Variants in ABCA13 observed in about 807,000 individuals in gnomAD.
ABCA13 encodes the protein ATP binding cassette subfamily A member 13.
A neutral mutation model predicts 478.7 loss-of-function variants in ABCA13; 476 were observed. That is an observed-to-expected ratio of 0.99 (90% confidence interval 0.92 to 1.07). The LOEUF (loss-of-function observed/expected upper bound fraction) is 1.07. Ranked by LOEUF, ABCA13 falls within the 50% of genes least tolerant of loss-of-function variation. The pLI is 0.00. For synonymous variants in ABCA13, 2,252 were observed against 2,158.9 expected (o/e 1.04, Z -1.20); for missense variants, 6,060 against 5,910.6 (o/e 1.03, Z -0.83).
chr7:48,250,289 A>G (rs1197538897), intron 15 of ABCA13, among the ~76,000 whole-genome samples: 1 of 152,134 alleles, frequency 6.6e-6, no homozygotes, highest in Non-Finnish European at 1.5e-5. Context: ...GTTTTTATGG[A>G]AGTTTCCTTA....
chr7:48,226,086 G>A (rs1297531818), intron 5 of ABCA13, among the ~76,000 whole-genome samples: 1 of 152,182 alleles, frequency 6.6e-6, no homozygotes, highest in Non-Finnish European at 1.5e-5. Context: ...TGTAGAAAAG[G>A]AGTGGGGTTG....
At chr7:48,536,840 T>C (rs948635018) in intron 55 of ABCA13, among the ~76,000 whole-genome samples, 2 of 151,946 alleles carry the variant, frequency 1.3e-5, no homozygotes, top group Admixed American at 1.3e-4. Flanking sequence ...TCTATATAGA[T>C]TTTATATTTA....
At chr7:48,491,729 A>G (rs563073166) in intron 48 of ABCA13, among the ~76,000 whole-genome samples, 4 of 152,300 alleles carry the variant, frequency 2.6e-5, no homozygotes, top group African/African-American at 9.6e-5. Flanking sequence ...AAATATTGAT[A>G]AAGAACTCCC....
At chr7:48,201,807 C>G (rs1157459953) in intron 3 of ABCA13, among the ~76,000 whole-genome samples, 1 of 152,242 alleles carries the variant, frequency 6.6e-6, no homozygotes, top group African/African-American at 2.4e-5. Context: ...TCACTGACTT[C>G]AAGAATGAAG....
At chr7:48,552,593 C>CT (rs397800820) in intron 55 of ABCA13, among the ~76,000 whole-genome samples, 18,669 of 134,150 alleles carry the variant, frequency 0.14, 1,573 homozygotes, top group African/African-American at 0.21. Flanking sequence ...CCTTTGTTGC[C>CT]TTTTTTTTTT....
chr7:48,269,225 G>A (rs906467595), intron 16 of ABCA13, 131 bp downstream of exon 16: 6 of 582,626 alleles, frequency 1.0e-5, no homozygotes, highest in Admixed American at 3.2e-5. Flanking sequence ...TCTTTCATAT[G>A]AGCTGTTCAA....
At chr7:48,577,965 G>T (rs1788350949) in intron 55 of ABCA13, among the ~76,000 whole-genome samples, 1 of 151,912 alleles carries the variant, frequency 6.6e-6, no homozygotes, top group South Asian at 2.1e-4. Flanking sequence ...TAGAATAAAA[G>T]GAAAAGATGG....
chr7:48,208,528 G>A (rs914518620), intron 3 of ABCA13, among the ~76,000 whole-genome samples: 1 of 151,718 alleles, frequency 6.6e-6, no homozygotes, highest in Non-Finnish European at 1.5e-5. Flanking sequence ...TTGCTTTTTT[G>A]GTTAGGTTTA....
intron 27 of ABCA13, among the ~76,000 whole-genome samples, chr7:48,326,730 T>C (rs1336370268): frequency 1.3e-5 from 2 of 152,204 alleles, no homozygotes; most frequent in Non-Finnish European, 2.9e-5. Context: ...TTTTACTGTA[T>C]TCTCCAAGTA....
At chr7:48,349,290 A>C (rs1808571178) in intron 29 of ABCA13, among the ~76,000 whole-genome samples, 2 of 152,236 alleles carry the variant, frequency 1.3e-5, no homozygotes, top group African/African-American at 4.8e-5. Context: ...CAGTTACAAC[A>C]TAATGAATAA....
At chr7:48,469,181 A>G (rs1827204578) in intron 44 of ABCA13, among the ~76,000 whole-genome samples, 2 of 152,210 alleles carry the variant, frequency 1.3e-5, no homozygotes, top group African/African-American at 4.8e-5. Flanking sequence ...GATAAGGTTT[A>G]TTTTTGTAAT....
intron 20 of ABCA13, among the ~76,000 whole-genome samples, chr7:48,288,701 A>C (rs1266737696): frequency 6.6e-6 from 1 of 152,176 alleles, no homozygotes; most frequent in East Asian, 1.9e-4. Flanking sequence ...GCTCTAACTC[A>C]TTGAATACAC....
rs772871010 is a variant in ABCA13, at chr7:48,511,083, G to A, written c.13525-1G>A. 1 of 1,611,690 alleles carries A rather than the reference G, an allele frequency of 6.2e-7. No homozygotes were observed. The highest frequency in any genetic ancestry group is 8.5e-7 in the Non-Finnish European group (1 of 1,178,018). On this transcript the variant is annotated splice_acceptor_variant, in intron 50 of 61. Coordinates refer to ENST00000435803, the MANE Select transcript of ABCA13 (RefSeq NM_152701.5). LOFTEE classifies it high-confidence loss of function. ...TCCCTTATTTCTTTTTATCTTCTCA[G>A]CTCTTTTACTTGGTTTCCGTCTGCC...
At chr7:48,595,651 C>G (rs1790209584) in intron 58 of ABCA13, among the ~76,000 whole-genome samples, 1 of 152,136 alleles carries the variant, frequency 6.6e-6, no homozygotes. Flanking sequence ...TCATTGGTTC[C>G]CTAAACCCCA....
At chr7:48,281,310 C>A in intron 18 of ABCA13, 33 bp from the exon 19 acceptor site, 2 of 1,549,600 alleles carry the variant, frequency 1.3e-6, no homozygotes, top group East Asian at 2.4e-5. Context: ...CATTTTTACC[C>A]TTTTATGTCA....
chr7:48,201,820 G>T (rs535659535), intron 3 of ABCA13, among the ~76,000 whole-genome samples: 2 of 152,218 alleles, frequency 1.3e-5, no homozygotes, highest in Non-Finnish European at 2.9e-5. Flanking sequence ...GAATGAAGCC[G>T]CAGACCCTCA....
chr7:48,200,300 G>A (rs1798490253), intron 3 of ABCA13, among the ~76,000 whole-genome samples: 1 of 152,214 alleles, frequency 6.6e-6, no homozygotes, highest in South Asian at 2.1e-4. Flanking sequence ...CCAGGAGGGG[G>A]AAGTCGCAGT....
chr7:48,263,365 C>T (rs1273289083), intron 15 of ABCA13, among the ~76,000 whole-genome samples: 1 of 151,874 alleles, frequency 6.6e-6, no homozygotes, highest in Non-Finnish European at 1.5e-5. Flanking sequence ...CTAGTCAATA[C>T]ATTATCTGTG....
chr7:48,571,993 C>T (rs1034380220), intron 55 of ABCA13, among the ~76,000 whole-genome samples: 16 of 152,086 alleles, frequency 1.1e-4, no homozygotes, highest in South Asian at 2.1e-4. Context: ...GCCTGCCCAA[C>T]GTGGCAAAAC....
Sources: allele counts gnomAD v4.1 joint callset (sites outside exome capture counted in the v4.1 genomes callset), GRCh38; gene constraint gnomAD v4.1.1; transcripts MANE v1.5; gene names NCBI Gene and HGNC (gene_info 2026-07-23, HGNC 2026-07-21).